Variants in CCDC171 observed in about 807,000 individuals in gnomAD.
CCDC171 encodes the protein coiled-coil domain-containing protein 171.
Under a neutral mutation model 168.2 loss-of-function variants are expected in CCDC171, and 177 were observed. The observed-to-expected ratio is 1.05, with a 90% CI of 0.93 to 1.19. The LOEUF is 1.19. CCDC171 is among the 50% of genes most tolerant of loss of function. The probability of loss-of-function intolerance (pLI) is 0.00; values close to 1 mark genes in which losing one functional copy is unlikely to be tolerated. For missense variants in CCDC171, 1,991 were observed against 1,539.0 expected (o/e 1.29, Z -4.91); for synonymous variants, 687 against 540.8 (o/e 1.27, Z -3.75).
At chr9:15,749,480 C>T (rs1293792380) in intron 18 of CCDC171, among the ~76,000 whole-genome samples, 1 of 152,182 alleles carries the variant, frequency 6.6e-6, no homozygotes, top group East Asian at 1.9e-4. Context: ...ACCTAATAGA[C>T]ATCTACAGAA....
intron 23 of CCDC171, among the ~76,000 whole-genome samples, chr9:15,860,673 A>G (rs894433452): frequency 1.3e-5 from 2 of 151,986 alleles, no homozygotes; most frequent in African/African-American, 4.8e-5. Flanking sequence ...CACCTAACAT[A>G]TGATATATCC....
chr9:15,684,193 G>A (rs185875144), intron 10 of CCDC171, among the ~76,000 whole-genome samples: 9 of 152,004 alleles, frequency 5.9e-5, no homozygotes, highest in East Asian at 3.9e-4. Flanking sequence ...ATGCTTCCTC[G>A]TTTTTACTTA....
chr9:15,977,060 G>T (rs966337081), downstream of CCDC171, among the ~76,000 whole-genome samples: 2 of 152,124 alleles, frequency 1.3e-5, no homozygotes, highest in African/African-American at 4.8e-5. Context: ...GGTTAAGTGA[G>T]ACATAAATGT....
chr9:15,600,826 T>G (rs1043769665), intron 6 of CCDC171, among the ~76,000 whole-genome samples: 1 of 152,168 alleles, frequency 6.6e-6, no homozygotes, highest in African/African-American at 2.4e-5. Context: ...TACTCAAGCC[T>G]CCACAATGGC....
rs936695097 is a variant in CCDC171 at position 15,984,933 on chromosome 9, C to G, written n.369-35656C>G. Among the ~76,000 whole-genome samples the G allele has an allele frequency of 2.6e-5, 4 of 152,032 alleles. No homozygotes were observed. The East Asian group carries it at 5.8e-4, about 22-fold the overall frequency. ...AGTCTATTGGTAATTTGAAGTATTT[C>G]TATATGAAAGTTTTGATGTATTTCT... On this transcript the variant is annotated intron_variant and non_coding_transcript_variant, in intron 3 of 9. Coordinates refer to the CCDC171 transcript ENST00000486641.
chr9:16,075,671 A>AT, the CCDC171 span, among the ~76,000 whole-genome samples: 771 of 152,208 alleles, frequency 5.1e-3, 3 homozygotes, highest in Non-Finnish European at 8.8e-3. Flanking sequence ...CATCACCCCA[A>AT]TTTTTTGTCC....
At chr9:15,867,667 C>A (rs958787772) in intron 23 of CCDC171, among the ~76,000 whole-genome samples, 1 of 152,042 alleles carries the variant, frequency 6.6e-6, no homozygotes, top group African/African-American at 2.4e-5. Context: ...GATTTTAAAA[C>A]CTTGACAAAC....
intron 18 of CCDC171, among the ~76,000 whole-genome samples, chr9:15,772,860 C>T (rs1203948439): frequency 1.3e-5 from 2 of 151,984 alleles, no homozygotes; most frequent in African/African-American, 4.8e-5. Context: ...TGGAGAAATA[C>T]TAAGAACAAG....
the CCDC171 span, among the ~76,000 whole-genome samples, chr9:16,106,536 C>G: frequency 6.6e-6 from 1 of 152,172 alleles, no homozygotes; most frequent in African/African-American, 2.4e-5. Context: ...GTTTCCCAAG[C>G]CTGTAAACTG....
intron 7 of CCDC171, among the ~76,000 whole-genome samples, chr9:15,650,877 C>T (rs910648001): frequency 6.6e-5 from 10 of 152,030 alleles, no homozygotes; most frequent in Non-Finnish European, 1.2e-4. Flanking sequence ...CAAGATCTCT[C>T]TTCCAGCTAT....
chr9:15,665,474 A>G (rs2048668456), intron 8 of CCDC171, among the ~76,000 whole-genome samples: 1 of 152,218 alleles, frequency 6.6e-6, no homozygotes, highest in South Asian at 2.1e-4. Flanking sequence ...GAGGAAGAAT[A>G]CTTCCCTTTA....
the CCDC171 span, among the ~76,000 whole-genome samples, chr9:16,095,899 T>TATACAC: frequency 3.6e-5 from 5 of 140,202 alleles, 1 homozygote; most frequent in African/African-American, 5.4e-5. Flanking sequence ...TATATATATA[T>TATACAC]ACTGCCTCCA....
At chr9:15,705,963 C>T (rs2052186676) in intron 11 of CCDC171, among the ~76,000 whole-genome samples, 1 of 152,124 alleles carries the variant, frequency 6.6e-6, no homozygotes, top group Non-Finnish European at 1.5e-5. Context: ...ATTACAGCAG[C>T]TCTTTGGGTA....
At chr9:15,794,061 C>A (rs1471415826) in intron 21 of CCDC171, among the ~76,000 whole-genome samples, 1 of 151,496 alleles carries the variant, frequency 6.6e-6, no homozygotes, top group African/African-American at 2.4e-5. Flanking sequence ...ATCTTGTTTC[C>A]AGTCTTAAAG....
chr9:15,864,585 G>GGCACA lies in CCDC171; in HGVS notation c.3469-9947_3469-9946insGCACA, dbSNP rs1209920626. ...TGTTTGGTTTTTTGTCCTTGCGATA[G>GGCACA]TTTAATTAGAGCTTCTCCAAATGTG... On this transcript the variant is annotated intron_variant, in intron 23 of 25. Coordinates refer to ENST00000380701, the MANE Select transcript of CCDC171 (RefSeq NM_173550.4). 8.6e-3 allele frequency among the ~76,000 whole-genome samples: 1,312 copies of GGCACA among 152,144 alleles called. 1 individual carries two copies. Among genetic ancestry groups the GGCACA allele is most frequent in the African/African-American group, 0.03 (1,247 of 41,522 alleles).
At chr9:15,885,023 G>T in intron 24 of CCDC171, among the ~76,000 whole-genome samples, 1 of 152,076 alleles carries the variant, frequency 6.6e-6, no homozygotes, top group East Asian at 1.9e-4. Context: ...CAAGACCCAG[G>T]TGGTAAATTC....
intron 21 of CCDC171, among the ~76,000 whole-genome samples, chr9:15,794,770 T>G (rs942587490): frequency 1.3e-5 from 2 of 152,246 alleles, no homozygotes; most frequent in African/African-American, 4.8e-5. Flanking sequence ...TGGGTTATGT[T>G]TTAGTATTCT....
chr9:15,789,787 T>C (rs1298428908), intron 21 of CCDC171, among the ~76,000 whole-genome samples: 3 of 135,246 alleles, frequency 2.2e-5, no homozygotes, highest in Non-Finnish European at 4.7e-5. Context: ...GTGTGTGATG[T>C]TCCCCTTCCT....
At chr9:15,915,857 C>A (rs1245326712) in intron 24 of CCDC171, among the ~76,000 whole-genome samples, 1 of 152,092 alleles carries the variant, frequency 6.6e-6, no homozygotes, top group Non-Finnish European at 1.5e-5. Flanking sequence ...TTCTCTGCAT[C>A]TATTGAGATG....
Sources: gnomAD v4.1 joint callset for allele counts (sites outside exome capture counted in the v4.1 genomes callset) on GRCh38, gnomAD v4.1.1 for gene constraint, MANE v1.5 for transcripts, NCBI Gene and HGNC (gene_info 2026-07-23, HGNC 2026-07-21) for gene names.